DAB2IP: variants seen among roughly 807,000 people sequenced by gnomAD.
The protein encoded by DAB2IP is DAB2 interacting protein, also known as disabled homolog 2-interacting protein.
A neutral mutation model predicts 107.2 loss-of-function variants in DAB2IP; 28 were observed. That is an observed-to-expected ratio of 0.26 (90% confidence interval 0.19 to 0.36). The LOEUF is 0.36. Ranked by LOEUF, DAB2IP falls within the 10% of genes least tolerant of loss-of-function variation. The pLI, the probability that DAB2IP is intolerant of heterozygous loss-of-function variation, is 1.00. For missense variants in DAB2IP, 1,400 were observed against 1,644.7 expected (o/e 0.85, Z 2.57); for synonymous variants, 755 against 706.4 (o/e 1.07, Z -1.09).
At chr9:121,709,331 C>G (rs926883324) in intron 3 of DAB2IP, among the ~76,000 whole-genome samples, 1 of 152,158 alleles carries the variant, frequency 6.6e-6, no homozygotes, top group African/African-American at 2.4e-5. Context: ...CTGCTCTGTT[C>G]ATGGCAAGCT....
At chr9:121,676,649 ACACT>A (rs950840914) in intron 1 of DAB2IP, among the ~76,000 whole-genome samples, 18 of 151,808 alleles carry the variant, frequency 1.2e-4, no homozygotes, top group South Asian at 8.3e-4. Flanking sequence ...ACACACACAC[ACACT>A]CACACACACA....
At chr9:121,730,492 C>A (rs1031622361) in intron 3 of DAB2IP, among the ~76,000 whole-genome samples, 1 of 152,210 alleles carries the variant, frequency 6.6e-6, no homozygotes, top group Non-Finnish European at 1.5e-5. Flanking sequence ...GAACCTATCA[C>A]CCTCTCCTTT....
intron 2 of DAB2IP, among the ~76,000 whole-genome samples, chr9:121,691,578 C>A (rs896798281): frequency 6.6e-6 from 1 of 151,680 alleles, no homozygotes; most frequent in Non-Finnish European, 1.5e-5. Context: ...GATAGCAGTT[C>A]GTATTTATTG....
intron 1 of DAB2IP, among the ~76,000 whole-genome samples, chr9:121,672,112 T>C (rs536336035): frequency 6.6e-6 from 1 of 152,380 alleles, no homozygotes; most frequent in East Asian, 1.9e-4. Context: ...TGGTTTCTTT[T>C]TCATTTCTTT....
chr9:121,720,428 C>T (rs962285195), intron 3 of DAB2IP, among the ~76,000 whole-genome samples: 5 of 152,220 alleles, frequency 3.3e-5, no homozygotes, highest in African/African-American at 1.2e-4. Context: ...CGGCATGGCA[C>T]TTTATGATTC....
rs566912420 is a variant in DAB2IP, at chr9:121,759,611, A to G, written c.616-274A>G. Among the ~76,000 whole-genome samples, 3 of 152,216 alleles carry G rather than the reference A, an allele frequency of 2.0e-5. No individual in the cohort carries two copies. In the South Asian group the frequency reaches 6.2e-4, roughly 32 times the overall value. On this transcript the variant is annotated intron_variant, in intron 5 of 15. Coordinates refer to ENST00000408936, the Ensembl canonical transcript of DAB2IP. ...CTCTCTCAGTCTCGCCCTCTATGAG[A>G]TGGGGGTTTTACCTTAGTGCCGTTT...
intron 3 of DAB2IP, among the ~76,000 whole-genome samples, chr9:121,715,076 G>A (rs1830525677): frequency 6.6e-6 from 1 of 152,358 alleles, no homozygotes; most frequent in East Asian, 1.9e-4. Context: ...TGAACATGGG[G>A]AACCCATGCC....
At chr9:121,692,166 G>A (rs144203283) in intron 2 of DAB2IP, among the ~76,000 whole-genome samples, 112 of 152,326 alleles carry the variant, frequency 7.4e-4, no homozygotes, top group African/African-American at 2.4e-3. Context: ...TAGCTTGTGT[G>A]TCTGCACAAT....
intron 11 of DAB2IP, among the ~76,000 whole-genome samples, chr9:121,771,703 C>CA (rs1300081380): frequency 3.9e-5 from 6 of 152,080 alleles, no homozygotes; most frequent in African/African-American, 1.4e-4. Context: ...GCCAGGCCCC[C>CA]ACTGCTCTCC....
chr9:121,722,687 CAG>C (rs529034698), intron 3 of DAB2IP, among the ~76,000 whole-genome samples: 13 of 151,466 alleles, frequency 8.6e-5, no homozygotes, highest in South Asian at 4.2e-4. Context: ...GAGTGACAGA[CAG>C]GGGGAAGAAA....
At chr9:121,719,227 TGAG>T (rs1215064400) in intron 3 of DAB2IP, among the ~76,000 whole-genome samples, 1 of 152,104 alleles carries the variant, frequency 6.6e-6, no homozygotes, top group African/African-American at 2.4e-5. Context: ...AGGCCAGGAA[TGAG>T]GAGGGGATGT....
chr9:121,759,504 C>T (rs973303463), intron 5 of DAB2IP, among the ~76,000 whole-genome samples: 6 of 152,232 alleles, frequency 3.9e-5, no homozygotes, highest in Non-Finnish European at 8.8e-5. Context: ...CCATAGCCAT[C>T]TCTTAAGTTA....
intron 1 of DAB2IP, among the ~76,000 whole-genome samples, chr9:121,677,958 G>A (rs1015108700): frequency 7.2e-5 from 11 of 152,072 alleles, no homozygotes; most frequent in African/African-American, 2.4e-4. Context: ...CACTGTGCCA[G>A]GCCTTTTTCC....
intron 1 of DAB2IP, among the ~76,000 whole-genome samples, chr9:121,573,423 C>T (rs1017600665): frequency 1.2e-4 from 18 of 151,520 alleles, no homozygotes; most frequent in African/African-American, 4.4e-4. Flanking sequence ...CTCACTCTGT[C>T]GCCCAGTTTA....
At chr9:121,657,853 G>A (rs1833032400) in intron 1 of DAB2IP, among the ~76,000 whole-genome samples, 1 of 152,224 alleles carries the variant, frequency 6.6e-6, no homozygotes, top group Admixed American at 6.5e-5. Flanking sequence ...GGAGGTTGGA[G>A]AGATGGATAC....
chr9:121,763,704 C>T, intron 7 of DAB2IP, 31 bp from the exon 8 acceptor site: 1 of 1,612,178 alleles, frequency 6.2e-7, no homozygotes, highest in South Asian at 1.1e-5. Context: ...GCCAGGTCCT[C>T]ACTCCCCACT....
At chr9:121,625,293 G>T (rs1180276203) in intron 1 of DAB2IP, among the ~76,000 whole-genome samples, 1 of 150,120 alleles carries the variant, frequency 6.7e-6, no homozygotes. Context: ...AGGCTGGAGT[G>T]CAGTGGTGTG....
At chr9:121,584,987 C>T (rs981278411) in intron 1 of DAB2IP, among the ~76,000 whole-genome samples, 1 of 152,132 alleles carries the variant, frequency 6.6e-6, no homozygotes, top group African/African-American at 2.4e-5. Context: ...CAACTACAGC[C>T]TTCAACTCCA....
At chr9:121,756,505 T>C (rs978907683) in intron 3 of DAB2IP, among the ~76,000 whole-genome samples, 4 of 152,248 alleles carry the variant, frequency 2.6e-5, no homozygotes, top group Non-Finnish European at 4.4e-5. Context: ...CCCTGTGGCT[T>C]TCCCTCGTGT....
Sources: gnomAD v4.1 joint callset for allele counts (sites outside exome capture counted in the v4.1 genomes callset) on GRCh38, gnomAD v4.1.1 for gene constraint, MANE v1.5 for transcripts, NCBI Gene and HGNC (gene_info 2026-07-23, HGNC 2026-07-21) for gene names.